BZW2: variants seen among roughly 807,000 people sequenced by gnomAD.
BZW2 encodes eIF5-mimic protein 1.
A neutral mutation model predicts 53.2 loss-of-function variants in BZW2; 23 were observed. The observed-to-expected ratio is 0.43, with a 90% CI of 0.31 to 0.61. BZW2 has a LOEUF of 0.61. Among genes scored for constraint, BZW2 ranks in the 20% least tolerant of loss-of-function variants. The pLI, the probability that BZW2 is intolerant of heterozygous loss-of-function variation, is 0.09. For synonymous variants in BZW2, 227 were observed against 186.4 expected (o/e 1.22, Z -1.77); for missense variants, 409 against 503.1 (o/e 0.81, Z 1.79).
chr7:16,678,003 G>T (rs1038290965), intron 3 of BZW2, among the ~76,000 whole-genome samples: 1 of 151,496 alleles, frequency 6.6e-6, no homozygotes, highest in Non-Finnish European at 1.5e-5. Flanking sequence ...AAGCCAGCTA[G>T]GTGCATTCTT....
At chr7:16,704,709 T>A (rs780434404) in intron 11 of BZW2, 40 bp downstream of exon 11, 1 of 1,491,696 alleles carries the variant, frequency 6.7e-7, no homozygotes, top group Non-Finnish European at 9.1e-7. Context: ...CTTTAAACAC[T>A]GTCTCATTAT....
intron 5 of BZW2, among the ~76,000 whole-genome samples, chr7:16,684,217 A>G (rs1469414597): frequency 6.6e-6 from 1 of 152,238 alleles, no homozygotes; most frequent in East Asian, 1.9e-4. Context: ...TGCGAGGTGC[A>G]AAGCAACCAT....
intron 6 of BZW2, among the ~76,000 whole-genome samples, chr7:16,688,159 G>A (rs570222970): frequency 6.6e-6 from 1 of 152,136 alleles, no homozygotes; most frequent in South Asian, 2.1e-4. Context: ...GGTCAAATTG[G>A]TATATAAGGA....
intron 1 of BZW2, chr7:16,661,150 G>A (rs1782249014): frequency 6.6e-6 from 1 of 152,264 alleles, no homozygotes; most frequent in Non-Finnish European, 1.5e-5. Flanking sequence ...GGTTATCATA[G>A]TTCAAAGATG....
intron 10 of BZW2, among the ~76,000 whole-genome samples, chr7:16,703,265 C>CA (rs1293766100): frequency 2.0e-5 from 3 of 152,144 alleles, no homozygotes; most frequent in Non-Finnish European, 2.9e-5. Context: ...GCTTCCTTTG[C>CA]AAAATGTAAT....
intron 2 of BZW2, among the ~76,000 whole-genome samples, chr7:16,672,109 G>T (rs1259662861): frequency 6.6e-6 from 1 of 151,946 alleles, no homozygotes; most frequent in Non-Finnish European, 1.5e-5. Flanking sequence ...TAATTGCTTT[G>T]TTCCCAGTAT....
intron 10 of BZW2, among the ~76,000 whole-genome samples, chr7:16,699,402 G>A (rs532025842): frequency 1.3e-5 from 2 of 152,296 alleles, no homozygotes; most frequent in East Asian, 1.9e-4. Context: ...CAGCAGCCAA[G>A]AACGAGAAGT....
chr7:16,669,542 T>TAA (rs1782538032), intron 2 of BZW2, among the ~76,000 whole-genome samples: 1 of 152,248 alleles, frequency 6.6e-6, no homozygotes. Flanking sequence ...TGTATATATA[T>TAA]AATTAGAAAA....
At chr7:16,673,933 CTT>C (rs1213325610) in intron 2 of BZW2, among the ~76,000 whole-genome samples, 17 of 148,956 alleles carry the variant, frequency 1.1e-4, no homozygotes, top group Admixed American at 1.1e-3. Context: ...GCGTTTCACT[CTT>C]GTCTCCCAGG....
chr7:16,656,150 T>TATATATATATATATATATAC (rs143994492), intron 1 of BZW2, among the ~76,000 whole-genome samples: 212 of 150,242 alleles, frequency 1.4e-3, no homozygotes, highest in Middle Eastern at 6.9e-3. Context: ...TATATATATA[T>TATATATATATATATATATAC]ACATAAATAT....
chr7:16,681,717 A>T (rs530331154), intron 4 of BZW2, among the ~76,000 whole-genome samples: 1 of 152,178 alleles, frequency 6.6e-6, no homozygotes, highest in East Asian at 1.9e-4. Flanking sequence ...CTGTAATCCC[A>T]GCTACTTGGG....
At chr7:16,697,097 G>T in intron 9 of BZW2, 36 bp downstream of exon 9, 2 of 1,597,816 alleles carry the variant, frequency 1.3e-6, no homozygotes, top group Non-Finnish European at 1.7e-6. Context: ...CCCAGCCAAG[G>T]GCAAACTGCA....
chr7:16,655,303 T>A (rs1782096007), intron 1 of BZW2, among the ~76,000 whole-genome samples: 1 of 152,212 alleles, frequency 6.6e-6, no homozygotes, highest in Non-Finnish European at 1.5e-5. Flanking sequence ...ATAGTTTTTC[T>A]TTATTGAAGG....
At chr7:16,702,721 T>C (rs1783707816) in intron 10 of BZW2, among the ~76,000 whole-genome samples, 1 of 152,174 alleles carries the variant, frequency 6.6e-6, no homozygotes, top group Non-Finnish European at 1.5e-5. Flanking sequence ...CTTTCCAACC[T>C]GTACTTTGTA....
Position 16,694,822 on chromosome 7 carries a change from T to C in BZW2, c.652-12T>C, listed in dbSNP as rs766327839. 6.6e-7 allele frequency: 1 copy of C among 1,506,412 alleles called. No homozygotes were observed. The allele number at this position is 1,506,412 out of a possible 1,614,324, so 93.3% of individuals were successfully genotyped here. ...TGGCTTGTTTTATAGCAGTCTTTTT[T>C]CCCTTTTTCAGGAACTCTTTCCAGT... On this transcript the variant is annotated splice_polypyrimidine_tract_variant and intron_variant, in intron 7 of 11. Coordinates refer to ENST00000258761, the MANE Select transcript of BZW2 (RefSeq NM_014038.3).
intron 1 of BZW2, among the ~76,000 whole-genome samples, chr7:16,657,155 G>A (rs1054905560): frequency 1.3e-5 from 2 of 152,154 alleles, no homozygotes; most frequent in African/African-American, 2.4e-5. Flanking sequence ...AGGTTAAAAC[G>A]TTTTCACTTA....
In BZW2 at chr7:16,706,367, C is replaced by CT; in HGVS notation, c.*279_*280insT. On this transcript the variant is annotated 3_prime_UTR_variant, in exon 12 of 12. Coordinates refer to ENST00000258761, the MANE Select transcript of BZW2 (RefSeq NM_014038.3). ...TCAAGTAGATCTGAAATTAAATACTCAACAGACTCCTCCTTTTTTAGCTGT... is the reference window on the plus strand; with the variant it reads ...TCAAGTAGATCTGAAATTAAATACTCTAACAGACTCCTCCTTTTTTAGCTGT... 1 of 354,828 alleles carries CT rather than the reference C, an allele frequency of 2.8e-6. No homozygotes were observed. Among genetic ancestry groups the CT allele is most frequent in the Non-Finnish European group, 5.1e-6 (1 of 197,162 alleles). 22.0% of individuals were successfully genotyped at this position (354,828 alleles called of 1,614,324 possible).
At chr7:16,666,389 TTTTATTTATTTA>T (rs79317366) in intron 2 of BZW2, among the ~76,000 whole-genome samples, 2 of 146,012 alleles carry the variant, frequency 1.4e-5, no homozygotes, top group East Asian at 4.0e-4. Context: ...TATAAAAGAC[TTTTATTTATTTA>T]TTTATTTATT....
chr7:16,657,225 C>T (rs1470498448), intron 1 of BZW2, among the ~76,000 whole-genome samples: 1 of 152,078 alleles, frequency 6.6e-6, no homozygotes, highest in East Asian at 1.9e-4. Context: ...AAAATATAGA[C>T]AAGTATAGGT....
Sources: allele counts gnomAD v4.1 joint callset (sites outside exome capture counted in the v4.1 genomes callset), GRCh38; gene constraint gnomAD v4.1.1; transcripts MANE v1.5; gene names NCBI Gene and HGNC (gene_info 2026-07-23, HGNC 2026-07-21).